ANKIB1: variants seen among roughly 807,000 people sequenced by gnomAD.
ANKIB1 encodes ankyrin repeat and IBR domain-containing protein 1.
A neutral mutation model predicts 122.1 loss-of-function variants in ANKIB1; 43 were observed. That is an observed-to-expected ratio of 0.35 (90% CI 0.28 to 0.45). The LOEUF (loss-of-function observed/expected upper bound fraction) is 0.45, where lower values mean the gene tolerates loss of function less well. Among genes scored for constraint, ANKIB1 ranks in the 20% least tolerant of loss-of-function variants. The pLI is 1.00. For synonymous variants in ANKIB1, 390 were observed against 442.0 expected (o/e 0.88, Z 1.48); for missense variants, 992 against 1,329.5 (o/e 0.75, Z 3.95).
In ANKIB1 at chr7:92,246,090, T is replaced by TGAGCAG; in HGVS notation, c.-516_-515insAGGAGC. On this transcript the variant is annotated 5_prime_UTR_variant, in exon 1 of 20. Coordinates refer to ENST00000265742, the MANE Select transcript of ANKIB1 (RefSeq NM_019004.2). ...TGGTGGCGGTGGGGGTGCCAGCGGC[T>TGAGCAG]GAGCCGGAGCCGGAGCCGGAGGCGG... 3.5e-6 allele frequency: 1 copy of TGAGCAG among 282,324 alleles called. No homozygotes were observed. The highest frequency in any genetic ancestry group is 6.8e-6 in the Non-Finnish European group (1 of 146,842). The allele number at this position is 282,324 out of a possible 1,614,324, so 17.5% of individuals were successfully genotyped here.
intron 1 of ANKIB1, among the ~76,000 whole-genome samples, chr7:92,290,715 C>G (rs982279122): frequency 3.3e-5 from 5 of 152,026 alleles, no homozygotes; most frequent in Non-Finnish European, 7.4e-5. Flanking sequence ...AATTTAAGTA[C>G]CGTTGAGTTT....
Position 92,385,331 on chromosome 7 carries a change from C to CT in ANKIB1, c.1618-1178_1618-1177insT, listed in dbSNP as rs552559028. ...TATGGAAGACAGTGTGGCGATTTCT[C>CT]AAGTATCTAGAACTAGAAATACCAT... On this transcript the variant is annotated intron_variant, in intron 11 of 19. Coordinates refer to ENST00000265742, the MANE Select transcript of ANKIB1 (RefSeq NM_019004.2). 4.0e-4 allele frequency among the ~76,000 whole-genome samples: 61 copies of CT among 152,316 alleles called. 1 individual carries two copies. The South Asian group carries it at 0.012, about 29-fold the overall frequency.
chr7:92,276,369 C>G (rs2131897261), intron 1 of ANKIB1, among the ~76,000 whole-genome samples: 1 of 152,230 alleles, frequency 6.6e-6, no homozygotes, highest in Admixed American at 6.5e-5. Flanking sequence ...ATATACTGAC[C>G]CCATCTTTAT....
intron 1 of ANKIB1, among the ~76,000 whole-genome samples, chr7:92,255,920 G>A (rs2131876268): frequency 6.6e-6 from 1 of 152,234 alleles, no homozygotes; most frequent in Admixed American, 6.5e-5. Flanking sequence ...TAAACAAGGG[G>A]TATAAAACTG....
chr7:92,397,700 T>C (rs1476206704), intron 18 of ANKIB1, 23 bp from the exon 19 acceptor site: 2 of 1,607,852 alleles, frequency 1.2e-6, no homozygotes, highest in Admixed American at 1.7e-5. Context: ...AAATTGTCTT[T>C]GGTACCAATT....
intron 16 of ANKIB1, 68 bp downstream of exon 16, chr7:92,391,412 A>G: frequency 5.2e-6 from 7 of 1,337,442 alleles, no homozygotes. Flanking sequence ...TTTGTTTTTT[A>G]TCCAACTAGG....
At chr7:92,289,354 T>C (rs1453256170) in intron 1 of ANKIB1, among the ~76,000 whole-genome samples, 1 of 152,200 alleles carries the variant, frequency 6.6e-6, no homozygotes, top group Non-Finnish European at 1.5e-5. Context: ...ACTCCATAAA[T>C]GTAGTGATTT....
chr7:92,319,214 A>G, intron 3 of ANKIB1, 116 bp from the exon 4 acceptor site: 1 of 646,240 alleles, frequency 1.5e-6, no homozygotes. Flanking sequence ...TACATACTGT[A>G]CATACTGTTG....
chr7:92,355,533 T>C (rs530405425), intron 9 of ANKIB1, among the ~76,000 whole-genome samples: 1 of 152,086 alleles, frequency 6.6e-6, no homozygotes. Flanking sequence ...TTCGCTGAAA[T>C]TGATTGGCAG....
intron 8 of ANKIB1, among the ~76,000 whole-genome samples, chr7:92,351,593 T>C (rs1036569899): frequency 1.3e-5 from 2 of 152,276 alleles, no homozygotes; most frequent in African/African-American, 4.8e-5. Flanking sequence ...TTTTCAGAAG[T>C]TGTAAGTGTA....
At position 92,343,142 on chromosome 7, in the gene ANKIB1, C is replaced by T. The variant is rs774499835; in HGVS notation, c.906C>T (p.Leu302=). Residue 302 remains leucine, a synonymous_variant, in exon 6 of 20, where the codon CTC becomes CTT. Transcript: ENST00000265742. The part of the protein sequence containing the change: ...PPSGYNAWDT[L]PSPRTPRTTR... Reference sequence around the variant, plus strand: ...GTGGGTATAATGCCTGGGACACGCTCCCATCTCCAAGAACTCCAAGGACTA... The same window carrying T: ...GTGGGTATAATGCCTGGGACACGCTTCCATCTCCAAGAACTCCAAGGACTA... 10 of 1,613,946 alleles carry T rather than the reference C, an allele frequency of 6.2e-6. No individual in the cohort carries two copies. In the South Asian group the frequency reaches 9.9e-5, roughly 16 times the overall value.
chr7:92,331,371 G>A (rs969978773), intron 5 of ANKIB1, among the ~76,000 whole-genome samples: 4 of 151,268 alleles, frequency 2.6e-5, no homozygotes, highest in Non-Finnish European at 1.5e-5. Context: ...GGGTTCAAGC[G>A]ATTCTCTTGC....
chr7:92,319,348 G>A lies in ANKIB1; in HGVS notation c.505G>A (p.Gly169Arg). The A allele has an allele frequency of 6.3e-7, 1 of 1,592,446 alleles. No individual in the cohort carries two copies. Among genetic ancestry groups the A allele is most frequent in the Non-Finnish European group, 8.5e-7 (1 of 1,171,906 alleles). The change falls in exon 4 of 20, where the codon GGA becomes AGA. Residue 169 changes from glycine (G) to arginine (R), a missense_variant. By Grantham distance (125) the Gly-to-Arg change is moderately radical (BLOSUM62 -2). Transcript: ENST00000265742. Reference protein sequence around the residue: ...ACVELLVKHGGDLFAENENKD... With the variant: ...ACVELLVKHGRDLFAENENKD... ...TTTTTAGCTTTTAGTAAAACATGGAGGAGACTTGTTTGCTGAGAATGAAAA... is the reference window on the plus strand; with the variant it reads ...TTTTTAGCTTTTAGTAAAACATGGAAGAGACTTGTTTGCTGAGAATGAAAA...
At chr7:92,333,401 G>A (rs1179019512) in intron 5 of ANKIB1, among the ~76,000 whole-genome samples, 3 of 151,992 alleles carry the variant, frequency 2.0e-5, no homozygotes, top group Non-Finnish European at 2.9e-5. Flanking sequence ...CCTGCCACAG[G>A]CCTTTGAACA....
chr7:92,251,750 G>A (rs763892991), intron 1 of ANKIB1, among the ~76,000 whole-genome samples: 18 of 152,056 alleles, frequency 1.2e-4, no homozygotes, highest in Non-Finnish European at 2.2e-4. Context: ...TTAAAAATAG[G>A]CACTCTCTTA....
chr7:92,374,563 A>C (rs745978446), intron 11 of ANKIB1, among the ~76,000 whole-genome samples: 9 of 152,218 alleles, frequency 5.9e-5, no homozygotes, highest in Non-Finnish European at 5.9e-5. Context: ...AAAAAAGGAA[A>C]TAAAAATGGA....
intron 5 of ANKIB1, among the ~76,000 whole-genome samples, chr7:92,329,502 T>C (rs1188012206): frequency 6.6e-6 from 1 of 152,200 alleles, no homozygotes; most frequent in Admixed American, 6.5e-5. Context: ...TGCATATTTA[T>C]CTCATAAAAT....
chr7:92,252,248 A>T (rs1295877565), intron 1 of ANKIB1, among the ~76,000 whole-genome samples: 2 of 151,968 alleles, frequency 1.3e-5, no homozygotes, highest in Non-Finnish European at 2.9e-5. Context: ...GTTTCTCATC[A>T]ACCCTCCACT....
Position 92,266,455 on chromosome 7 carries a change from C to T in ANKIB1, c.-91+19936C>T, listed in dbSNP as rs188698225. On this transcript the variant is annotated intron_variant, in intron 1 of 19. Transcript: ENST00000265742. Reference sequence around the variant, plus strand: ...TGAGGCAGAGCACCCAAGGAAGGAACAAATCTGAAAGAGGCCCCCCTCTAC... The same window carrying T: ...TGAGGCAGAGCACCCAAGGAAGGAATAAATCTGAAAGAGGCCCCCCTCTAC... 2.6e-5 allele frequency among the ~76,000 whole-genome samples: 4 copies of T among 152,250 alleles called. No individual in the cohort carries two copies. In the East Asian group the frequency reaches 7.7e-4, roughly 29 times the overall value.
Sources: allele counts gnomAD v4.1 joint callset (sites outside exome capture counted in the v4.1 genomes callset), GRCh38; gene constraint gnomAD v4.1.1; transcripts MANE v1.5; gene names NCBI Gene and HGNC (gene_info 2026-07-23, HGNC 2026-07-21).